Variants in SIRT1 observed in about 807,000 individuals in gnomAD.
SIRT1 encodes the protein NAD-dependent protein deacetylase sirtuin-1.
SIRT1 carries 24 observed loss-of-function variants against 67.9 expected under a neutral mutation model. The ratio of observed to expected loss-of-function variants is 0.35; its 90% CI spans 0.26 to 0.50. SIRT1 has a LOEUF of 0.50. Ranked by LOEUF, SIRT1 falls within the 20% of genes least tolerant of loss-of-function variation. SIRT1 has a pLI of 0.98. For missense variants in SIRT1, 873 were observed against 937.2 expected (o/e 0.93, Z 0.89); for synonymous variants, 378 against 350.7 (o/e 1.08, Z -0.87).
chr10:67,891,044 CAAA>C (rs535108082), intron 3 of SIRT1, among the ~76,000 whole-genome samples: 2 of 126,088 alleles, frequency 1.6e-5, no homozygotes, highest in Non-Finnish European at 3.4e-5. Flanking sequence ...AAAAAAAAAA[CAAA>C]AAAAAAAAGA....
intron 3 of SIRT1, among the ~76,000 whole-genome samples, chr10:67,891,131 G>A (rs1842566246): frequency 6.6e-6 from 1 of 150,902 alleles, no homozygotes; most frequent in African/African-American, 2.4e-5. Context: ...GCTTTAATTT[G>A]TTGGCTAAAT....
chr10:67,900,266 C>T (rs1310998072), intron 4 of SIRT1, among the ~76,000 whole-genome samples: 1 of 152,046 alleles, frequency 6.6e-6, no homozygotes, highest in East Asian at 1.9e-4. Context: ...CCGCTTCAGC[C>T]TCCCAGGTAG....
intron 4 of SIRT1, among the ~76,000 whole-genome samples, chr10:67,897,055 C>G (rs1451975977): frequency 6.6e-6 from 1 of 151,614 alleles, no homozygotes; most frequent in Non-Finnish European, 1.5e-5. Context: ...ACTCGGGAGG[C>G]TGAGGCAGCA....
intron 4 of SIRT1, among the ~76,000 whole-genome samples, chr10:67,894,622 T>C (rs35409355): frequency 0.013 from 1,952 of 152,266 alleles, 30 homozygotes; most frequent in African/African-American, 0.044. Context: ...TCACTAGTTA[T>C]GGAGAATACA....
rs1471211487 is a variant in SIRT1, at chr10:67,908,069, C to G, written c.1114C>G (p.Leu372Val). ...CHGSFATASC[L>V]ICKYKVDCEA... ...AGGTTCCTTTGCAACAGCATCTTGC[C>G]TGATTTGTAAATACAAAGTTGACTG... The change falls in exon 6 of 9, where the codon CTG becomes GTG. Residue 372 changes from leucine (L) to valine (V), a missense_variant. Coordinates refer to ENST00000212015, the MANE Select transcript of SIRT1 (RefSeq NM_012238.5). 11 of 1,612,876 alleles carry G rather than the reference C, an allele frequency of 6.8e-6. No homozygotes were observed. The highest frequency in any genetic ancestry group is 9.3e-6 in the Non-Finnish European group (11 of 1,179,494).
intron 1 of SIRT1, among the ~76,000 whole-genome samples, chr10:67,886,994 C>G (rs571959897): frequency 6.6e-6 from 1 of 151,960 alleles, no homozygotes; most frequent in African/African-American, 2.4e-5. Context: ...GCCTCAGCCT[C>G]CTGAGTAGTT....
intron 3 of SIRT1, among the ~76,000 whole-genome samples, chr10:67,890,923 A>G (rs559834676): frequency 2.8e-4 from 43 of 151,418 alleles, no homozygotes; most frequent in African/African-American, 9.9e-4. Context: ...CCAGCTAATC[A>G]GTAGGCTAAG....
chr10:67,887,068 C>T (rs1327557914), intron 1 of SIRT1, among the ~76,000 whole-genome samples: 1 of 152,094 alleles, frequency 6.6e-6, no homozygotes, highest in African/African-American at 2.4e-5. Context: ...GACGAGATTT[C>T]TCCATGTTGG....
At chr10:67,906,978 T>A in intron 5 of SIRT1, 41 bp downstream of exon 5, 1 of 1,493,554 alleles carries the variant, frequency 6.7e-7, no homozygotes. Context: ...TTTATTTTAG[T>A]TTTATAGGAA....
intron 1 of SIRT1, among the ~76,000 whole-genome samples, chr10:67,886,259 C>G (rs889216080): frequency 7.4e-5 from 11 of 149,452 alleles, no homozygotes; most frequent in Non-Finnish European, 1.2e-4. Context: ...TATTTTTGAT[C>G]TGAGGAGTTT....
At chr10:67,909,820 C>G (rs1842872276) in intron 7 of SIRT1, among the ~76,000 whole-genome samples, 1 of 152,008 alleles carries the variant, frequency 6.6e-6, no homozygotes, top group South Asian at 2.1e-4. Flanking sequence ...GGTGATCCGC[C>G]TGTCTCTGCC....
intron 6 of SIRT1, among the ~76,000 whole-genome samples, 167 bp from the exon 7 acceptor site, chr10:67,909,089 T>C (rs1842862134): frequency 6.6e-6 from 1 of 152,184 alleles, no homozygotes; most frequent in Admixed American, 6.5e-5. Context: ...CATAGTATGT[T>C]AATAAACTAC....
rs1376702757 is a variant in SIRT1, at chr10:67,885,397, C to T, written c.430+246C>T. ...GCGGCCTTGTTCTTTCCGCAGCAGC[C>T]AGGTCGGGAGACTCTCGCAGTCGCT... On this transcript the variant is annotated intron_variant, in intron 1 of 8. Transcript: ENST00000212015. The T allele has an allele frequency of 4.1e-6, 5 of 1,229,676 alleles. 1 individual carries two copies. The highest frequency in any genetic ancestry group is 6.2e-4 in the Middle Eastern group (2 of 3,218). The allele number at this position is 1,229,676 out of a possible 1,614,324, so 76.2% of individuals were successfully genotyped here. A position where few individuals can be genotyped will look rare whatever the true frequency, so the allele number is the denominator to read the frequency against.
intron 4 of SIRT1, among the ~76,000 whole-genome samples, chr10:67,902,970 A>G (rs781681701): frequency 6.6e-5 from 10 of 152,154 alleles, no homozygotes; most frequent in Non-Finnish European, 8.8e-5. Flanking sequence ...GCGCACCTGT[A>G]GTCCCAGCTC....
At chr10:67,888,606 A>AT (rs1443445573) in intron 2 of SIRT1, among the ~76,000 whole-genome samples, 1 of 152,190 alleles carries the variant, frequency 6.6e-6, no homozygotes, top group African/African-American at 2.4e-5. Flanking sequence ...GTTTCTAGAT[A>AT]TTAACCATAA....
intron 7 of SIRT1, among the ~76,000 whole-genome samples, chr10:67,912,067 C>T (rs968700773): frequency 1.2e-4 from 18 of 152,174 alleles, no homozygotes; most frequent in African/African-American, 4.3e-4. Context: ...CCCAGCTCAC[C>T]TTCTTTATAT....
At chr10:67,889,149 GT>G in intron 3 of SIRT1, 26 bp downstream of exon 3, 1 of 1,558,802 alleles carries the variant, frequency 6.4e-7, no homozygotes, top group Non-Finnish European at 8.6e-7. Context: ...ACATGGGGAG[GT>G]CGTATATGTA....
chr10:67,917,710 TATGGAG>T lies in SIRT1; in HGVS notation c.*1121_*1126del, dbSNP rs1164947094. On this transcript the variant is annotated 3_prime_UTR_variant, in exon 9 of 9. Transcript: ENST00000212015. The stretch of plus-strand genomic sequence containing the variant: ...AATACCAAACTGCTAGCCCTAGTAT[TATGGAG>T]ATGAACATGATGATGTAACTTGTAA... 1.3e-5 allele frequency: 2 copies of T among 152,590 alleles called. No homozygotes were observed. The highest frequency in any genetic ancestry group is 3.2e-3 in the Middle Eastern group (1 of 316). The allele number at this position is 152,590 out of a possible 1,614,324, so 9.5% of individuals were successfully genotyped here.
rs1842527388 is a variant in SIRT1 at position 67,888,903 on chromosome 10, A to G, written c.569A>G (p.Gln190Arg). ...GTAGGTCCATATACTTTTGTTCAGC[A>G]ACATCTTATGATTGGCACAGATCCT... is the stretch of plus-strand genomic sequence containing the variant. The part of the protein sequence containing the change: ...PRIGPYTFVQ[Q>R]HLMIGTDPRT... Residue 190 changes from glutamine to arginine, a missense_variant, in exon 3 of 9, where the codon CAA becomes CGA. Coordinates refer to ENST00000212015, the MANE Select transcript of SIRT1 (RefSeq NM_012238.5). 1.9e-6 allele frequency: 3 copies of G among 1,612,584 alleles called. No individual in the cohort carries two copies. The East Asian group carries it at 6.7e-5, about 36-fold the overall frequency.
Sources: gnomAD v4.1 joint callset for allele counts (sites outside exome capture counted in the v4.1 genomes callset) on GRCh38, gnomAD v4.1.1 for gene constraint, MANE v1.5 for transcripts, NCBI Gene and HGNC (gene_info 2026-07-23, HGNC 2026-07-21) for gene names.